The following KDM4B variants were observed in gnomAD, a reference collection of about 807,000 sequenced individuals.
The protein encoded by KDM4B is lysine-specific demethylase 4B.
KDM4B carries 32 observed loss-of-function variants against 125.2 expected under a neutral mutation model. The observed-to-expected ratio is 0.26, with a 90% CI of 0.19 to 0.34. The LOEUF is 0.34. Among genes scored for constraint, KDM4B ranks in the 10% least tolerant of loss-of-function variants. The pLI is 1.00. For missense variants in KDM4B, 1,190 were observed against 1,577.7 expected, an observed-to-expected ratio of 0.75 and a Z score of 4.16; for synonymous variants, 721 against 677.9, an observed-to-expected ratio of 1.06 and a Z score of -0.99.
At chr19:5,088,084 C>T (rs1391224924) in intron 9 of KDM4B, among the ~76,000 whole-genome samples, 2 of 152,236 alleles carry the variant, frequency 1.3e-5, no homozygotes, top group Non-Finnish European at 2.9e-5. Flanking sequence ...GAAGCCCATT[C>T]CTTGTGTTCA....
At chr19:5,013,151 A>C (rs2035782054) in intron 1 of KDM4B, among the ~76,000 whole-genome samples, 1 of 152,206 alleles carries the variant, frequency 6.6e-6, no homozygotes, top group East Asian at 1.9e-4. Flanking sequence ...CACCGGGCTG[A>C]GGTCTGTCCA....
Position 4,996,319 on chromosome 19 carries a change from G to C in KDM4B, c.-108-19938G>C, listed in dbSNP as rs532995962. ...TTTTCTCTTTTAAACAATGCTGCTG[G>C]CCACATCCTTGCTGCCAGCCCTTCT... On this transcript the variant is annotated intron_variant, in intron 1 of 22. Transcript: ENST00000159111. Among the ~76,000 whole-genome samples, 46 of 152,190 alleles carry C rather than the reference G, an allele frequency of 3.0e-4. No individual in the cohort carries two copies. In the South Asian group the frequency reaches 9.4e-3, roughly 31 times the overall value.
intron 9 of KDM4B, among the ~76,000 whole-genome samples, chr19:5,105,598 A>G (rs1045694702): frequency 2.0e-5 from 3 of 152,080 alleles, no homozygotes; most frequent in Non-Finnish European, 2.9e-5. Context: ...ACACTCACCT[A>G]ATTTTAAAAA....
chr19:5,096,296 G>A (rs945854972), intron 9 of KDM4B, among the ~76,000 whole-genome samples: 1 of 152,088 alleles, frequency 6.6e-6, no homozygotes, highest in Non-Finnish European at 1.5e-5. Context: ...TGTTGGCCAG[G>A]CTGGTCTGGA....
chr19:5,039,874 T>C lies in KDM4B; in HGVS notation c.180T>C (p.Tyr60=), dbSNP rs2036750109. 1 of 1,612,784 alleles carries C rather than the reference T, an allele frequency of 6.2e-7. No homozygotes were observed. The highest frequency in any genetic ancestry group is 8.5e-7 in the Non-Finnish European group (1 of 1,179,892). The part of the protein sequence containing the change: ...PPKEWKPRQT[Y]DDIDDVVIPA... ...AGGAGTGGAAGCCGCGGCAGACGTATGATGACATCGACGACGTGGTGATCC... is the reference window on the plus strand; with the variant it reads ...AGGAGTGGAAGCCGCGGCAGACGTACGATGACATCGACGACGTGGTGATCC... The change falls in exon 4 of 23, where the codon TAT becomes TAC. Residue 60 remains tyrosine, a synonymous_variant. Transcript: ENST00000159111.
Position 5,039,945 on chromosome 19 carries a change from C to G in KDM4B, c.251C>G (p.Thr84Arg). ...QVVTGQSGLF[T>R]QYNIQKKAMT... is the part of the protein sequence containing the mutation. Reference sequence around the variant, plus strand: ...GTGACGGGCCAGTCGGGCCTCTTCACGCAGTACAATATCCAGAAGAAGGCC... The same window carrying G: ...GTGACGGGCCAGTCGGGCCTCTTCAGGCAGTACAATATCCAGAAGAAGGCC... The change falls in exon 4 of 23, where the codon ACG (threonine) becomes AGG (arginine). Residue 84 changes from threonine (T) to arginine (R), a missense_variant. Physicochemically the swap from Thr to Arg is moderately conservative, Grantham distance 71. Transcript: ENST00000159111. 6.2e-7 allele frequency: 1 copy of G among 1,612,974 alleles called. No homozygotes were observed. The highest frequency in any genetic ancestry group is 8.5e-7 in the Non-Finnish European group (1 of 1,179,902).
rs1468009703 is a variant in KDM4B at position 5,033,000 on chromosome 19, C to T, written c.110C>T (p.Ser37Leu). 8.1e-6 allele frequency: 13 copies of T among 1,613,816 alleles called. No homozygotes were observed. The highest frequency in any genetic ancestry group is 6.7e-5 in the Admixed American group (4 of 60,004). Residue 37 changes from serine (S) to leucine (L), a missense_variant, in exon 3 of 23, where the codon TCG (serine) becomes TTG (leucine). This residue lies in a region of KDM4B where 139 missense variants were observed against 248.3 expected (regional missense o/e 0.56). Coordinates refer to ENST00000159111, the MANE Select transcript of KDM4B (RefSeq NM_015015.3). ...DFNKYVAYIE[S>L]QGAHRAGLAK... ...AACAAATACGTGGCCTACATAGAGTCGCAGGGAGCCCACCGGGCGGGCCTG... is the reference window on the plus strand; with the variant it reads ...AACAAATACGTGGCCTACATAGAGTTGCAGGGAGCCCACCGGGCGGGCCTG...
Position 5,017,499 on chromosome 19 carries a change from C to G in KDM4B, c.-26+1160C>G, listed in dbSNP as rs897110441. 5.6e-4 allele frequency among the ~76,000 whole-genome samples: 85 copies of G among 152,172 alleles called. 1 individual carries two copies. The highest frequency in any genetic ancestry group is 8.8e-5 in the Non-Finnish European group (6 of 68,042). On this transcript the variant is annotated intron_variant, in intron 2 of 22. Coordinates refer to ENST00000159111, the MANE Select transcript of KDM4B (RefSeq NM_015015.3). ...TGGGCCTGTGCAGAAAACCATGCGC[C>G]TCCTCTTGTCCAGGTTAACTTACTG...
intron 1 of KDM4B, among the ~76,000 whole-genome samples, chr19:4,989,726 C>T (rs1346341593): frequency 6.6e-6 from 1 of 151,980 alleles, no homozygotes; most frequent in Non-Finnish European, 1.5e-5. Context: ...GATTTTGGCT[C>T]ACTGCAACCT....
At chr19:5,137,205 C>T (rs1199578172) in intron 15 of KDM4B, 57 bp from the exon 16 acceptor site, 23 of 1,367,648 alleles carry the variant, frequency 1.7e-5, no homozygotes, top group South Asian at 5.0e-5. Context: ...GAGTTTCACT[C>T]GGCTCCCCAA....
At chr19:5,030,540 A>T (rs1484024201) in intron 2 of KDM4B, among the ~76,000 whole-genome samples, 3 of 152,196 alleles carry the variant, frequency 2.0e-5, no homozygotes, top group Non-Finnish European at 4.4e-5. Context: ...AGTGGGTTAC[A>T]GGGAGGCAGG....
rs533601305 is a variant in KDM4B at position 4,989,335 on chromosome 19, T to G, written c.-109+20105T>G. ...TTTCTGTTTCTTTTTCTTTGTTTTT[T>G]TTTGTTTGTTTGTTTGTTTTGAGAC... is the stretch of plus-strand genomic sequence containing the variant. On this transcript the variant is annotated intron_variant, in intron 1 of 22. Transcript: ENST00000159111. 1.4e-4 allele frequency among the ~76,000 whole-genome samples: 21 copies of G among 152,272 alleles called. No individual in the cohort carries two copies. The South Asian group carries it at 3.3e-3, about 24-fold the overall frequency.
At chr19:5,146,765 C>G (rs1172192942) in intron 21 of KDM4B, among the ~76,000 whole-genome samples, 1 of 136,826 alleles carries the variant, frequency 7.3e-6, no homozygotes, top group Non-Finnish European at 1.6e-5. Context: ...CCCCCCCCCC[C>G]ACAATCTCTA....
At chr19:5,061,677 C>T (rs1219340297) in intron 6 of KDM4B, among the ~76,000 whole-genome samples, 1 of 151,870 alleles carries the variant, frequency 6.6e-6, no homozygotes, top group African/African-American at 2.4e-5. Context: ...ACAGCCTGGG[C>T]AACATTGCAA....
intron 20 of KDM4B, 127 bp from the exon 21 acceptor site, chr19:5,144,656 C>T: frequency 7.3e-7 from 1 of 1,374,934 alleles, no homozygotes. Flanking sequence ...TACCCCGGGC[C>T]CCCGCAGCCA....
chr19:5,124,744 C>T (rs528636442), intron 11 of KDM4B, among the ~76,000 whole-genome samples: 49 of 152,038 alleles, frequency 3.2e-4, no homozygotes, highest in Admixed American at 6.5e-5. Flanking sequence ...TACAGGCGCC[C>T]GCCACCATGC....
chr19:4,975,154 G>A (rs1278757798), intron 1 of KDM4B, among the ~76,000 whole-genome samples: 1 of 152,128 alleles, frequency 6.6e-6, no homozygotes, highest in African/African-American at 2.4e-5. Context: ...TAGGGCAGGG[G>A]CTTTTTCTGG....
chr19:5,071,514 C>T (rs1356925170), intron 7 of KDM4B, among the ~76,000 whole-genome samples: 2 of 152,254 alleles, frequency 1.3e-5, no homozygotes, highest in Non-Finnish European at 2.9e-5. Flanking sequence ...GGCGTTTGCC[C>T]TTGTTCTGCT....
intron 6 of KDM4B, among the ~76,000 whole-genome samples, chr19:5,067,147 C>T (rs983071022): frequency 2.0e-5 from 3 of 152,170 alleles, no homozygotes; most frequent in Admixed American, 6.5e-5. Context: ...CTTCAGCCCC[C>T]GCCCAGACAT....
Sources: gnomAD v4.1 joint callset for allele counts (sites outside exome capture counted in the v4.1 genomes callset) on GRCh38, gnomAD v4.1.1 for gene constraint, gnomAD v4.1.1 regional missense constraint, MANE v1.5 for transcripts, NCBI Gene and HGNC (gene_info 2026-07-23, HGNC 2026-07-21) for gene names.